Variants in IMMP2L observed in about 807,000 individuals in gnomAD.
IMMP2L encodes the protein inner mitochondrial membrane peptidase subunit 2, also known as mitochondrial inner membrane protease subunit 2.
IMMP2L carries 18 observed loss-of-function variants against 19.3 expected under a neutral mutation model. That is an observed-to-expected ratio of 0.93 (90% CI 0.64 to 1.38). The LOEUF (loss-of-function observed/expected upper bound fraction) is 1.38. Among genes scored for constraint, IMMP2L ranks in the 40% most tolerant of loss-of-function variants. The pLI is 0.00. For synonymous variants in IMMP2L, 76 were observed against 73.0 expected (o/e 1.04, Z -0.21); for missense variants, 233 against 218.2 (o/e 1.07, Z -0.43).
Position 110,896,470 on chromosome 7 carries a change from CA to C in IMMP2L, c.306-9776del, listed in dbSNP as rs869089543. ...ACTTGTTAAGTATAATTTTATTTTT[CA>C]AAAAAAATATTTATCCATTTTCAAT... On this transcript the variant is annotated intron_variant, in intron 4 of 5. Transcript: ENST00000405709. Among the ~76,000 whole-genome samples the C allele has an allele frequency of 3.6e-4, 33 of 91,396 alleles. 11 individuals are homozygous for C. In the South Asian group the frequency reaches 4.2e-3, roughly 12 times the overall value. 60.0% of individuals were successfully genotyped at this position (91,396 alleles called of 152,430 possible). A position where few individuals can be genotyped will look rare whatever the true frequency, so the allele number is the denominator to read the frequency against.
chr7:110,706,469 C>T (rs1184473541), intron 5 of IMMP2L, among the ~76,000 whole-genome samples: 1 of 152,156 alleles, frequency 6.6e-6, no homozygotes, highest in Non-Finnish European at 1.5e-5. Flanking sequence ...ATTTACATTA[C>T]CACCAACAGT....
chr7:110,906,830 T>G (rs1273191479), intron 4 of IMMP2L, among the ~76,000 whole-genome samples: 1 of 152,168 alleles, frequency 6.6e-6, no homozygotes, highest in Non-Finnish European at 1.5e-5. Flanking sequence ...TAATGTCAGC[T>G]TTATGATTAT....
At chr7:111,527,319 A>G (rs778498516) in intron 1 of IMMP2L, among the ~76,000 whole-genome samples, 5 of 148,798 alleles carry the variant, frequency 3.4e-5, no homozygotes, top group Non-Finnish European at 6.0e-5. Context: ...TGGGAGGCTG[A>G]GGTGGAAGGA....
At chr7:111,242,074 G>A (rs1214480779) in intron 3 of IMMP2L, among the ~76,000 whole-genome samples, 1 of 151,778 alleles carries the variant, frequency 6.6e-6, no homozygotes, top group Non-Finnish European at 1.5e-5. Context: ...CATCATAGAA[G>A]TGATTTTTTT....
chr7:111,315,940 T>C (rs1163104915), intron 3 of IMMP2L, among the ~76,000 whole-genome samples: 1 of 152,042 alleles, frequency 6.6e-6, no homozygotes, highest in Non-Finnish European at 1.5e-5. Flanking sequence ...GAAAAGCATA[T>C]AGGCAATTTC....
intron 5 of IMMP2L, among the ~76,000 whole-genome samples, chr7:110,878,270 C>T (rs1809277005): frequency 6.6e-6 from 1 of 151,406 alleles, no homozygotes; most frequent in Admixed American, 6.6e-5. Context: ...GTATGAAATG[C>T]ATGGAGCATG....
intron 5 of IMMP2L, among the ~76,000 whole-genome samples, chr7:110,880,542 C>T (rs1809534573): frequency 1.3e-5 from 2 of 151,996 alleles, no homozygotes; most frequent in East Asian, 1.9e-4. Flanking sequence ...GCAATTTAAT[C>T]TCAAACTTTG....
At chr7:111,115,623 TGA>T (rs1799789687) in intron 3 of IMMP2L, among the ~76,000 whole-genome samples, 1 of 151,790 alleles carries the variant, frequency 6.6e-6, no homozygotes, top group East Asian at 1.9e-4. Context: ...CGTATTAGGG[TGA>T]GACATTTGCA....
At chr7:111,008,645 A>G (rs542500486) in intron 3 of IMMP2L, among the ~76,000 whole-genome samples, 74 of 150,868 alleles carry the variant, frequency 4.9e-4, no homozygotes, top group Admixed American at 7.9e-4. Context: ...CCTGCCCCCT[A>G]TTAAAAAAAA....
intron 3 of IMMP2L, among the ~76,000 whole-genome samples, chr7:111,233,716 C>A (rs1813969094): frequency 6.6e-6 from 1 of 152,004 alleles, no homozygotes; most frequent in African/African-American, 2.4e-5. Context: ...AGTGCCAGCA[C>A]TTACAATGTG....
At chr7:110,923,615 C>G (rs1336674445) in intron 4 of IMMP2L, among the ~76,000 whole-genome samples, 2 of 152,068 alleles carry the variant, frequency 1.3e-5, no homozygotes, top group Non-Finnish European at 2.9e-5. Flanking sequence ...ATTCACTAAG[C>G]CTTTTATATT....
At chr7:110,949,058 C>G (rs1817532091) in intron 4 of IMMP2L, among the ~76,000 whole-genome samples, 1 of 152,192 alleles carries the variant, frequency 6.6e-6, no homozygotes, top group Admixed American at 6.5e-5. Flanking sequence ...CCGTTGGCTT[C>G]CCTTGTTTTG....
At chr7:111,545,192 G>A (rs1001139761) in intron 1 of IMMP2L, among the ~76,000 whole-genome samples, 43 of 152,006 alleles carry the variant, frequency 2.8e-4, no homozygotes, top group African/African-American at 9.2e-4. Flanking sequence ...TCTGCCCATA[G>A]ATGCTTCCAA....
intron 5 of IMMP2L, among the ~76,000 whole-genome samples, chr7:110,786,462 A>G (rs916750687): frequency 2.0e-5 from 3 of 151,968 alleles, no homozygotes; most frequent in African/African-American, 7.2e-5. Context: ...AATTGCTATC[A>G]CTTCACTGGA....
At chr7:110,821,916 T>C (rs958584986) in intron 5 of IMMP2L, among the ~76,000 whole-genome samples, 3 of 151,860 alleles carry the variant, frequency 2.0e-5, no homozygotes, top group South Asian at 2.1e-4. Flanking sequence ...AGCAAGACTC[T>C]TGTCTCAAAA....
At chr7:111,017,453 G>T (rs116197287) in intron 3 of IMMP2L, among the ~76,000 whole-genome samples, 195 of 152,194 alleles carry the variant, frequency 1.3e-3, no homozygotes, top group African/African-American at 4.4e-3. Context: ...GGGTTAGCTG[G>T]AAGGAGGGTA....
chr7:111,267,624 A>C (rs140795717), intron 3 of IMMP2L, among the ~76,000 whole-genome samples: 3,408 of 152,260 alleles, frequency 0.022, 64 homozygotes, highest in Non-Finnish European at 0.033. Context: ...TCTAAGGAGG[A>C]CATTCTTAAC....
chr7:111,252,565 A>G (rs918140509), intron 3 of IMMP2L, among the ~76,000 whole-genome samples: 6 of 152,184 alleles, frequency 3.9e-5, no homozygotes, highest in African/African-American at 1.4e-4. Context: ...TGGAATGGGA[A>G]GCAGAGGAGA....
At chr7:110,702,636 G>A (rs1021258474) in intron 5 of IMMP2L, among the ~76,000 whole-genome samples, 1 of 151,954 alleles carries the variant, frequency 6.6e-6, no homozygotes, top group Non-Finnish European at 1.5e-5. Flanking sequence ...CACATATTTT[G>A]TTAAATTCAT....
Sources: gnomAD v4.1 joint callset for allele counts (sites outside exome capture counted in the v4.1 genomes callset) on GRCh38, gnomAD v4.1.1 for gene constraint, MANE v1.5 for transcripts, NCBI Gene and HGNC (gene_info 2026-07-23, HGNC 2026-07-21) for gene names.